XKR5: variants seen among roughly 807,000 people sequenced by gnomAD.
XKR5 encodes the protein XK related 5.
XKR5 carries 46 observed loss-of-function variants against 40.8 expected under a neutral mutation model. That is an observed-to-expected ratio of 1.13 (90% CI 0.89 to 1.44). XKR5 has a LOEUF of 1.44. Ranked by LOEUF, XKR5 falls within the 40% of genes most tolerant of loss-of-function variation. The pLI, the probability that XKR5 is intolerant of heterozygous loss-of-function variation, is 0.00. For synonymous variants in XKR5, 466 were observed against 356.1 expected (o/e 1.31, Z -3.48); for missense variants, 1,169 against 844.7 (o/e 1.38, Z -4.76).
At chr8:6,822,706 A>C (rs1388559815) in intron 4 of XKR5, among the ~76,000 whole-genome samples, 1 of 152,218 alleles carries the variant, frequency 6.6e-6, no homozygotes, top group African/African-American at 2.4e-5. Flanking sequence ...ACCAGAGATG[A>C]CAGCTCTCCT....
At position 6,832,788 on chromosome 8, in the gene XKR5, G is replaced by C. The variant is rs757101703; in HGVS notation, c.171C>G (p.Phe57Leu). ...AATGCCCTGGATGCCCGTCTGCTCGGAACCACAGGTAGCTCAGGGCCTGGA... is the reference window on the plus strand; with the variant it reads ...AATGCCCTGGATGCCCGTCTGCTCGCAACCACAGGTAGCTCAGGGCCTGGA... ...FLVQALSYLW[F>L]RADGHPGHCS... The change falls in exon 2 of 7, where the codon TTC (phenylalanine) becomes TTG (leucine). Residue 57 changes from phenylalanine (F) to leucine (L), a missense_variant. Transcript: ENST00000618742. 3 of 1,613,276 alleles carry C rather than the reference G, an allele frequency of 1.9e-6. No individual in the cohort carries two copies. Among genetic ancestry groups the C allele is most frequent in the South Asian group, 1.1e-5 (1 of 90,834 alleles).
intron 1 of XKR5, among the ~76,000 whole-genome samples, chr8:6,834,372 C>T (rs1368606434): frequency 6.6e-6 from 1 of 152,228 alleles, no homozygotes; most frequent in Non-Finnish European, 1.5e-5. Flanking sequence ...AGGCTGGGTC[C>T]GGCTGTCACC....
At chr8:6,812,529 TA>T (rs1265464855) in intron 6 of XKR5, among the ~76,000 whole-genome samples, 190 bp from the exon 7 acceptor site, 2 of 152,220 alleles carry the variant, frequency 1.3e-5, no homozygotes, top group African/African-American at 4.8e-5. Context: ...CTGTAAGCTG[TA>T]AATGTTTCTA....
chr8:6,829,575 G>C (rs1238498385), intron 2 of XKR5, among the ~76,000 whole-genome samples: 4 of 152,092 alleles, frequency 2.6e-5, no homozygotes, highest in Non-Finnish European at 5.9e-5. Context: ...GAGTGCAGTG[G>C]CGTGATCTCA....
In XKR5 at chr8:6,832,767, C is replaced by A. The variant is rs1019598080; in HGVS notation, c.192G>T (p.Gly64=). The change falls in exon 2 of 7, where the codon GGG becomes GGT. Residue 64 remains glycine (G), a synonymous_variant. Coordinates refer to ENST00000618742, the MANE Select transcript of XKR5 (RefSeq NM_207411.5). ...YLWFRADGHP[G]HCSLMMLHLL... ...GGTGCAGCATCATCAAGGAGCAATG[C>A]CCTGGATGCCCGTCTGCTCGGAACC... 9 of 1,613,446 alleles carry A rather than the reference C, an allele frequency of 5.6e-6. No individual in the cohort carries two copies. The highest frequency in any genetic ancestry group is 4.5e-5 in the East Asian group (2 of 44,862).
intron 1 of XKR5, among the ~76,000 whole-genome samples, chr8:6,833,154 C>T (rs1015651224): frequency 5.3e-5 from 8 of 152,180 alleles, no homozygotes; most frequent in East Asian, 1.9e-4. Context: ...CCCATACCCC[C>T]GCAGAAGGCA....
Position 6,811,109 on chromosome 8 carries a change from C to T in XKR5, c.*89G>A. 7.8e-7 allele frequency: 1 copy of T among 1,275,748 alleles called. No individual in the cohort carries two copies. Among genetic ancestry groups the T allele is most frequent in the African/African-American group, 1.5e-5 (1 of 67,114 alleles). 79.0% of individuals were successfully genotyped at this position (1,275,748 alleles called of 1,614,324 possible). ...GGTGACAGTGATGTGCCCAAGGACA[C>T]AGGTGTCAGAAGTGGGATTTCCTTT... is the stretch of plus-strand genomic sequence containing the variant. On this transcript the variant is annotated 3_prime_UTR_variant, in exon 7 of 7. Transcript: ENST00000618742.
At chr8:6,816,227 G>A (rs2117085409) in intron 5 of XKR5, among the ~76,000 whole-genome samples, 1 of 152,274 alleles carries the variant, frequency 6.6e-6, no homozygotes, top group East Asian at 1.9e-4. Context: ...GCTGAGAGGG[G>A]ACTTTTATTT....
Position 6,815,807 on chromosome 8 carries a change from C to A in XKR5, c.919G>T (p.Gly307Cys), listed in dbSNP as rs1803928283. The A allele has an allele frequency of 1.3e-6, 2 of 1,594,066 alleles. No homozygotes were observed. Among genetic ancestry groups the A allele is most frequent in the Admixed American group, 1.7e-5 (1 of 57,584 alleles). The part of the protein sequence containing the change: ...IAGVLSGFLI[G>C]SVSLVIYYSL... ...AGAAGAAGGTGACATTGGGACTTAC[C>A]AATCAGAAATCCAGACAGGACCCCA... Residue 307 changes from glycine to cysteine, a missense_variant and splice_region_variant, in exon 6 of 7, where the codon GGC becomes TGC. Coordinates refer to ENST00000618742, the MANE Select transcript of XKR5 (RefSeq NM_207411.5).
intron 3 of XKR5, among the ~76,000 whole-genome samples, 174 bp from the exon 4 acceptor site, chr8:6,823,904 T>G (rs1185541788): frequency 6.6e-6 from 1 of 152,206 alleles, no homozygotes; most frequent in Non-Finnish European, 1.5e-5. Context: ...ATAACAACTC[T>G]ATGTCCAAAT....
chr8:6,831,181 G>C (rs1161376383), intron 2 of XKR5, among the ~76,000 whole-genome samples: 1 of 152,182 alleles, frequency 6.6e-6, no homozygotes, highest in Non-Finnish European at 1.5e-5. Context: ...TTGATTACTG[G>C]GCTGGGCCGA....
At chr8:6,813,797 C>T (rs1803842071) in intron 6 of XKR5, among the ~76,000 whole-genome samples, 1 of 152,192 alleles carries the variant, frequency 6.6e-6, no homozygotes, top group Non-Finnish European at 1.5e-5. Context: ...AGCATACTGG[C>T]TGTGAAAATG....
intron 1 of XKR5, among the ~76,000 whole-genome samples, chr8:6,835,178 G>T (rs938383746): frequency 8.1e-6 from 1 of 122,914 alleles, no homozygotes; most frequent in Non-Finnish European, 1.8e-5. Context: ...TCAAGCACCA[G>T]TCGGGAGGGG....
At chr8:6,830,323 T>A (rs900960799) in intron 2 of XKR5, among the ~76,000 whole-genome samples, 1 of 152,202 alleles carries the variant, frequency 6.6e-6, no homozygotes, top group African/African-American at 2.4e-5. Context: ...AAAGCTGGAT[T>A]GCCTCACTAA....
At chr8:6,816,112 GTTCT>G (rs1803948113) in intron 5 of XKR5, among the ~76,000 whole-genome samples, 194 bp from the exon 6 acceptor site, 2 of 152,052 alleles carry the variant, frequency 1.3e-5, no homozygotes, top group African/African-American at 2.4e-5. Context: ...GAGCCACCCT[GTTCT>G]CAGGGTGGCT....
chr8:6,817,389 A>G (rs539741734), intron 5 of XKR5, among the ~76,000 whole-genome samples: 28 of 152,200 alleles, frequency 1.8e-4, no homozygotes, highest in African/African-American at 6.5e-4. Context: ...TCCACTGACA[A>G]ACAGTCTTTC....
Position 6,823,674 on chromosome 8 carries a change from GAGTGTAGGACACC to G in XKR5, c.471_483del (p.Val158AlafsTer6). The G allele has an allele frequency of 6.3e-7, 1 of 1,591,768 alleles. No individual in the cohort carries two copies. The highest frequency in any genetic ancestry group is 8.6e-7 in the Non-Finnish European group (1 of 1,169,132). ...CCTGGCTTCATGAAGCCCATGAAGC[GAGTGTAGGACACC>G]AGTGCCCAGGAGAGTGAGGACCAGG... On this transcript the variant is annotated frameshift_variant, in exon 4 of 7. Transcript: ENST00000618742. LOFTEE classifies it high-confidence loss of function.
Position 6,811,641 on chromosome 8 carries a change from A to T in XKR5, c.1618T>A (p.Ser540Thr). 1 of 1,537,464 alleles carries T rather than the reference A, an allele frequency of 6.5e-7. No individual in the cohort carries two copies. Among genetic ancestry groups the T allele is most frequent in the East Asian group, 2.4e-5 (1 of 40,904 alleles). ...QQRGGEGQQS[S>T]TLYFSATAEV... The stretch of plus-strand genomic sequence containing the variant: ...GCAGTGGCGCTGAAGTACAACGTGG[A>T]ACTCTGCTGTCCTTCCCCTCCTCTC... The change falls in exon 7 of 7, where the codon TCC becomes ACC. Residue 540 changes from serine to threonine, a missense_variant. By Grantham distance (58) the Ser-to-Thr change is moderately conservative. Coordinates refer to ENST00000618742, the MANE Select transcript of XKR5 (RefSeq NM_207411.5).
chr8:6,832,031 AAAAAC>A (rs1384522041), intron 2 of XKR5, among the ~76,000 whole-genome samples: 20 of 148,020 alleles, frequency 1.4e-4, no homozygotes, highest in African/African-American at 3.0e-4. Context: ...AAAAAAAAAA[AAAAAC>A]AAACCTAACA....
Sources: allele counts gnomAD v4.1 joint callset (sites outside exome capture counted in the v4.1 genomes callset), GRCh38; gene constraint gnomAD v4.1.1; transcripts MANE v1.5; gene names NCBI Gene and HGNC (gene_info 2026-07-23, HGNC 2026-07-21).